Variants in TASL observed in about 807,000 individuals in gnomAD.
The protein encoded by TASL is TLR adapter interacting with SLC15A4 on the lysosome.
TASL carries 6 observed loss-of-function variants against 12.9 expected under a neutral mutation model. The ratio of observed to expected loss-of-function variants is 0.46; its 90% CI spans 0.25 to 0.92. The LOEUF (loss-of-function observed/expected upper bound fraction) is 0.92. Ranked by LOEUF, TASL falls within the 40% of genes least tolerant of loss-of-function variation. TASL has a pLI of 0.17. For synonymous variants in TASL, 85 were observed against 79.3 expected (o/e 1.07, Z -0.38); for missense variants, 165 against 212.8 (o/e 0.78, Z 1.40).
intron 2 of TASL, among the ~76,000 whole-genome samples, chrX:30,576,395 T>G (rs773229386): frequency 1.8e-5 from 2 of 110,814 alleles, no homozygotes; most frequent in Non-Finnish European, 3.8e-5. Context: ...TATACACATA[T>G]AGAGAGAGAG....
rs1360480735 is a variant in TASL, at chrX:30,560,090, T to C, written c.266A>G (p.Asn89Ser). The change falls in exon 3 of 3, where the codon AAT becomes AGT. Residue 89 changes from asparagine (N) to serine (S), a missense_variant. Physicochemically the swap from Asn to Ser is conservative, Grantham distance 46. Transcript: ENST00000378962. Reference sequence around the variant, plus strand: ...CAAGTTTGGGCTTTCAAACACAGGATTGGGGTTTGTCTGCAGCACTGTGAC... The same window carrying C: ...CAAGTTTGGGCTTTCAAACACAGGACTGGGGTTTGTCTGCAGCACTGTGAC... ...QRVTVLQTNP[N>S]PVFESPNLAA... 8.3e-7 allele frequency: 1 copy of C among 1,211,046 alleles called. No homozygotes were observed. The highest frequency in any genetic ancestry group is 1.1e-6 in the Non-Finnish European group (1 of 895,058).
chrX:30,572,570 T>C (rs1930643605), intron 2 of TASL, among the ~76,000 whole-genome samples: 1 of 112,215 alleles, frequency 8.9e-6, no homozygotes, highest in Admixed American at 9.5e-5. Context: ...TTTGAACTTA[T>C]TCCTTCTATA....
At chrX:30,564,242 G>A (rs992187993) in intron 2 of TASL, among the ~76,000 whole-genome samples, 1 of 111,736 alleles carries the variant, frequency 8.9e-6, no homozygotes. Flanking sequence ...TATTTTGAAA[G>A]CAGAACAAAA....
At position 30,559,255 on chromosome X, in the gene TASL, C is replaced by T; in HGVS notation, c.*195G>A. 1 of 365,888 alleles carries T rather than the reference C, an allele frequency of 2.7e-6. No individual in the cohort carries two copies. Among genetic ancestry groups the T allele is most frequent in the Non-Finnish European group, 4.7e-6 (1 of 211,270 alleles). The allele number at this position is 365,888 out of a possible 1,213,427, so 30.2% of individuals were successfully genotyped here. A position where few individuals can be genotyped will look rare whatever the true frequency, so the allele number is the denominator to read the frequency against. ...CTCTCTTTGAAATCATTCCTTATGG[C>T]TCCTCTTACCATATTCCTTCATCAA... On this transcript the variant is annotated 3_prime_UTR_variant, in exon 3 of 3. Coordinates refer to ENST00000378962, the MANE Select transcript of TASL (RefSeq NM_025159.3).
At chrX:30,563,488 T>G (rs1930457988) in intron 2 of TASL, among the ~76,000 whole-genome samples, 1 of 112,240 alleles carries the variant, frequency 8.9e-6, no homozygotes, top group South Asian at 3.7e-4. Flanking sequence ...GATGCCTTTT[T>G]GGAATGAGAG....
In TASL at chrX:30,560,312, T is replaced by C. The variant is rs200141323; in HGVS notation, c.44A>G (p.Asp15Gly). 23 of 1,202,379 alleles carry C rather than the reference T, an allele frequency of 1.9e-5. No homozygotes were observed. The highest frequency in any genetic ancestry group is 2.2e-5 in the Non-Finnish European group (20 of 890,377). Residue 15 changes from aspartate to glycine, a missense_variant, in exon 3 of 3, where the codon GAC (aspartate) becomes GGC (glycine). Asp to Gly is a moderately conservative substitution (Grantham distance 94, BLOSUM62 -1). Transcript: ENST00000378962. ...ATAAGAGGCACAACTCCAGTGGATG[T>C]CATTCCAGTACTCAAGTCCACTGAG... is the stretch of plus-strand genomic sequence containing the variant. Reference protein sequence around the residue: ...GYLSGLEYWNDIHWSCASYNE... With the variant: ...GYLSGLEYWNGIHWSCASYNE...
chrX:30,569,577 T>A (rs758601459), intron 2 of TASL, among the ~76,000 whole-genome samples: 1 of 111,595 alleles, frequency 9.0e-6, no homozygotes, highest in African/African-American at 3.3e-5. Context: ...GGAATTTATA[T>A]TGGGGGCTTG....
At chrX:30,564,555 A>G (rs1261676504) in intron 2 of TASL, among the ~76,000 whole-genome samples, 1 of 112,278 alleles carries the variant, frequency 8.9e-6, no homozygotes, top group Non-Finnish European at 1.9e-5. Context: ...ACTTCTCAAC[A>G]GCAACATAAG....
At chrX:30,568,357 T>C (rs1176981756) in intron 2 of TASL, among the ~76,000 whole-genome samples, 1 of 111,366 alleles carries the variant, frequency 9.0e-6, no homozygotes, top group East Asian at 2.8e-4. Context: ...GAGAGATGAC[T>C]GTGTGACAGG....
chrX:30,571,258 G>GAGAAAGAAAGAAAGAAAGAAAGAA (rs1569306040), intron 2 of TASL, among the ~76,000 whole-genome samples: 357 of 11,859 alleles, frequency 0.03, 39 homozygotes, highest in African/African-American at 0.093. Flanking sequence ...GAAAGAAAGA[G>GAGAAAGAAAGAAAGAAAGAAAGAA]AAAGAAAGAA....
At chrX:30,569,250 G>A (rs1466743980) in intron 2 of TASL, among the ~76,000 whole-genome samples, 2 of 111,116 alleles carry the variant, frequency 1.8e-5, no homozygotes, top group Admixed American at 9.6e-5. Context: ...AACCAGGAGG[G>A]AGGTAGGAGA....
chrX:30,575,974 A>T (rs988005570), intron 2 of TASL, among the ~76,000 whole-genome samples: 1 of 111,824 alleles, frequency 8.9e-6, no homozygotes, highest in African/African-American at 3.2e-5. Context: ...AAAATAAGAA[A>T]CCTATCATAA....
At chrX:30,575,537 C>T (rs1930693022) in intron 2 of TASL, among the ~76,000 whole-genome samples, 2 of 111,467 alleles carry the variant, frequency 1.8e-5, no homozygotes, top group Non-Finnish European at 3.8e-5. Context: ...TAAAATATTG[C>T]TCATTAATAT....
At chrX:30,564,430 ATAC>A (rs1214182886) in intron 2 of TASL, among the ~76,000 whole-genome samples, 1,725 of 111,287 alleles carry the variant, frequency 0.016, 19 homozygotes, top group Non-Finnish European at 0.025. Flanking sequence ...AAATCGATCT[ATAC>A]CTCCTCTCAT....
At chrX:30,566,118 T>C (rs1930494348) in intron 2 of TASL, among the ~76,000 whole-genome samples, 1 of 111,236 alleles carries the variant, frequency 9.0e-6, no homozygotes, top group African/African-American at 3.3e-5. Flanking sequence ...TATAGCATAC[T>C]ATGACAGTTA....
At chrX:30,565,330 G>C (rs1930482527) in intron 2 of TASL, among the ~76,000 whole-genome samples, 1 of 112,142 alleles carries the variant, frequency 8.9e-6, no homozygotes, top group Non-Finnish European at 1.9e-5. Context: ...GATGAAAGCT[G>C]CATATGTAAC....
At chrX:30,569,315 AG>A (rs1930554349) in intron 2 of TASL, among the ~76,000 whole-genome samples, 1 of 110,488 alleles carries the variant, frequency 9.1e-6, no homozygotes, top group East Asian at 2.8e-4. Context: ...ATGGAAGTGA[AG>A]GAGAGAGAGG....
chrX:30,577,228 C>T (rs1430213524), intron 1 of TASL, among the ~76,000 whole-genome samples: 3 of 112,438 alleles, frequency 2.7e-5, no homozygotes, highest in East Asian at 2.8e-4. Context: ...AATTCAAGAG[C>T]TGTGTTGTCC....
intron 2 of TASL, among the ~76,000 whole-genome samples, chrX:30,571,242 A>AAGAAAG (rs1368147988): frequency 2.5e-5 from 2 of 78,737 alleles, no homozygotes; most frequent in East Asian, 5.0e-4. Flanking sequence ...GAAGGAAGGA[A>AAGAAAG]AAAGAGAAAG....
Sources: gnomAD v4.1 joint callset for allele counts (sites outside exome capture counted in the v4.1 genomes callset) on GRCh38, gnomAD v4.1.1 for gene constraint, MANE v1.5 for transcripts, NCBI Gene and HGNC (gene_info 2026-07-23, HGNC 2026-07-21) for gene names.